The following STK32B variants were observed in gnomAD, a reference collection of about 807,000 sequenced individuals.
STK32B encodes serine/threonine-protein kinase 32B.
STK32B carries 43 observed loss-of-function variants against 52.6 expected under a neutral mutation model. The observed-to-expected ratio is 0.82, with a 90% CI of 0.64 to 1.05. The LOEUF (loss-of-function observed/expected upper bound fraction) is 1.05, where lower values mean the gene tolerates loss of function less well. STK32B is among the 50% of genes least tolerant of loss of function. STK32B has a pLI of 0.00. For synonymous variants in STK32B, 238 were observed against 204.3 expected, an observed-to-expected ratio of 1.17 and a Z score of -1.41; for missense variants, 621 against 534.6, an observed-to-expected ratio of 1.16 and a Z score of -1.59.
chr4:5,301,673 T>G (rs1209824766), intron 3 of STK32B, among the ~76,000 whole-genome samples: 1 of 150,850 alleles, frequency 6.6e-6, no homozygotes, highest in Non-Finnish European at 1.5e-5. Flanking sequence ...TCTTTTTTTT[T>G]TTTTTGGACA....
chr4:5,280,071 A>G (rs1728094191), intron 3 of STK32B, among the ~76,000 whole-genome samples: 1 of 152,090 alleles, frequency 6.6e-6, no homozygotes, highest in African/African-American at 2.4e-5. Flanking sequence ...ACTTATGCAC[A>G]TTTCTGAGCC....
At chr4:5,150,189 G>A (rs1717233505) in intron 2 of STK32B, among the ~76,000 whole-genome samples, 1 of 152,012 alleles carries the variant, frequency 6.6e-6, no homozygotes, top group Non-Finnish European at 1.5e-5. Flanking sequence ...CCTATGGTAT[G>A]CATAGGTGGA....
At chr4:5,154,393 T>G (rs1717623603) in intron 2 of STK32B, among the ~76,000 whole-genome samples, 1 of 152,130 alleles carries the variant, frequency 6.6e-6, no homozygotes, top group African/African-American at 2.4e-5. Flanking sequence ...TTTTGTATTT[T>G]TAGTAGAGAT....
intron 11 of STK32B, among the ~76,000 whole-genome samples, chr4:5,496,067 T>C (rs1720217125): frequency 6.6e-6 from 1 of 152,194 alleles, no homozygotes; most frequent in Admixed American, 6.5e-5. Flanking sequence ...TGTTCTCAGA[T>C]CTCCAGCTGC....
At chr4:5,494,803 TGTAAA>T (rs1207003842) in intron 11 of STK32B, among the ~76,000 whole-genome samples, 1 of 152,230 alleles carries the variant, frequency 6.6e-6, no homozygotes, top group Non-Finnish European at 1.5e-5. Context: ...TTTGCTTGTC[TGTAAA>T]GTATTTTATT....
chr4:5,208,675 T>C (rs933695321), intron 3 of STK32B, among the ~76,000 whole-genome samples: 30 of 152,112 alleles, frequency 2.0e-4, no homozygotes, highest in Admixed American at 1.8e-3. Flanking sequence ...TTTCCACCCA[T>C]GTCATCCTCA....
chr4:5,436,473 T>C (rs1294873880), intron 6 of STK32B: 11 of 419,344 alleles, frequency 2.6e-5, no homozygotes, highest in Non-Finnish European at 3.5e-5. Context: ...GAAGATCTTT[T>C]AGCAGGGAAT....
chr4:5,297,948 A>G (rs1297149892), intron 3 of STK32B, among the ~76,000 whole-genome samples: 1 of 151,808 alleles, frequency 6.6e-6, no homozygotes, highest in East Asian at 1.9e-4. Flanking sequence ...GATGCTGATG[A>G]CATTTGGATG....
At chr4:5,360,361 G>T (rs148437227) in intron 4 of STK32B, among the ~76,000 whole-genome samples, 49 of 152,176 alleles carry the variant, frequency 3.2e-4, no homozygotes, top group African/African-American at 1.1e-3. Context: ...GACTAGATAC[G>T]CTCACAGATT....
At chr4:5,418,954 G>A (rs1186907878) in intron 6 of STK32B, among the ~76,000 whole-genome samples, 1 of 152,148 alleles carries the variant, frequency 6.6e-6, no homozygotes, top group Non-Finnish European at 1.5e-5. Flanking sequence ...CTGAGCCCTT[G>A]GCAAAGCCTA....
intron 1 of STK32B, among the ~76,000 whole-genome samples, chr4:5,115,904 G>T (rs1041157990): frequency 6.6e-6 from 1 of 152,108 alleles, no homozygotes; most frequent in Non-Finnish European, 1.5e-5. Context: ...TAACCTTTCC[G>T]AGCTTCAGTC....
intron 3 of STK32B, among the ~76,000 whole-genome samples, chr4:5,249,288 G>T (rs940499000): frequency 1.2e-4 from 18 of 152,186 alleles, no homozygotes; most frequent in Non-Finnish European, 2.4e-4. Context: ...TATATAGAAC[G>T]GGGTTCAGAG....
chr4:5,317,615 G>C (rs1480131902), intron 3 of STK32B, among the ~76,000 whole-genome samples: 1 of 140,994 alleles, frequency 7.1e-6, no homozygotes, highest in Non-Finnish European at 1.5e-5. Flanking sequence ...GCAACACTCA[G>C]TGAACACTCA....
intron 3 of STK32B, among the ~76,000 whole-genome samples, chr4:5,231,981 T>G (rs1363728322): frequency 6.6e-6 from 1 of 152,178 alleles, no homozygotes; most frequent in Admixed American, 6.5e-5. Flanking sequence ...AATTCCTTCC[T>G]TCATTGAGAA....
At chr4:5,492,224 T>C (rs1410311780) in intron 11 of STK32B, among the ~76,000 whole-genome samples, 1 of 152,214 alleles carries the variant, frequency 6.6e-6, no homozygotes, top group Admixed American at 6.5e-5. Flanking sequence ...TGGAATGTTC[T>C]TCCATTTCTT....
chr4:5,258,779 A>G (rs1342695764), intron 3 of STK32B, among the ~76,000 whole-genome samples: 1 of 152,128 alleles, frequency 6.6e-6, no homozygotes, highest in African/African-American at 2.4e-5. Context: ...CTGTTAGTCA[A>G]TTCCCAGTGC....
intron 3 of STK32B, among the ~76,000 whole-genome samples, chr4:5,283,462 G>A (rs1451528984): frequency 6.6e-6 from 1 of 151,990 alleles, no homozygotes; most frequent in African/African-American, 2.4e-5. Flanking sequence ...TCTAAGGAAC[G>A]ACAACAAAAA....
At chr4:5,046,345 T>C in the STK32B span, among the ~76,000 whole-genome samples, 1 of 152,122 alleles carries the variant, frequency 6.6e-6, no homozygotes, top group Admixed American at 6.5e-5. Context: ...TCCTTCCATA[T>C]ACCTTATACA....
chr4:5,135,590 T>G (rs1241479082), intron 1 of STK32B, among the ~76,000 whole-genome samples: 1 of 152,234 alleles, frequency 6.6e-6, no homozygotes. Context: ...TCCTAATATA[T>G]TAAGTCCCAA....
Sources: gnomAD v4.1 joint callset for allele counts (sites outside exome capture counted in the v4.1 genomes callset) on GRCh38, gnomAD v4.1.1 for gene constraint, MANE v1.5 for transcripts, NCBI Gene and HGNC (gene_info 2026-07-23, HGNC 2026-07-21) for gene names.